The following GRID2 variants were observed in gnomAD, a reference collection of about 807,000 sequenced individuals.
The protein encoded by GRID2 is glutamate ionotropic receptor delta type subunit 2.
GRID2 carries 33 observed loss-of-function variants against 114.8 expected under a neutral mutation model. The ratio of observed to expected loss-of-function variants is 0.29; its 90% CI spans 0.22 to 0.38. The LOEUF (loss-of-function observed/expected upper bound fraction) is 0.38. Among genes scored for constraint, GRID2 ranks in the 10% least tolerant of loss-of-function variants. The pLI is 1.00. For missense variants in GRID2, 1,184 were observed against 1,257.7 expected (o/e 0.94, Z 0.89); for synonymous variants, 505 against 449.9 (o/e 1.12, Z -1.55).
chr4:92,728,442 C>T (rs191671040), intron 2 of GRID2, among the ~76,000 whole-genome samples: 17 of 152,140 alleles, frequency 1.1e-4, no homozygotes, highest in Non-Finnish European at 2.4e-4. Flanking sequence ...CTTGTAAGCT[C>T]GCTCAAGTGA....
chr4:92,511,456 T>C (rs935940647), intron 1 of GRID2, among the ~76,000 whole-genome samples: 5 of 151,970 alleles, frequency 3.3e-5, no homozygotes, highest in Middle Eastern at 3.4e-3. Flanking sequence ...AATCATATTA[T>C]CATCCAATCT....
intron 2 of GRID2, among the ~76,000 whole-genome samples, chr4:92,620,995 C>CAA (rs67388525): frequency 1.2e-3 from 130 of 112,294 alleles, no homozygotes; most frequent in African/African-American, 3.7e-3. Context: ...TAAAGAATGC[C>CAA]AAAAAAAAAA....
intron 2 of GRID2, among the ~76,000 whole-genome samples, chr4:92,762,712 G>T (rs1183045467): frequency 1.3e-5 from 2 of 152,158 alleles, no homozygotes; most frequent in Non-Finnish European, 2.9e-5. Context: ...AGTCATATTT[G>T]TTGAGTGAAT....
chr4:93,434,857 C>T (rs1019757929), intron 10 of GRID2, among the ~76,000 whole-genome samples: 20 of 152,156 alleles, frequency 1.3e-4, no homozygotes, highest in Admixed American at 1.3e-4. Flanking sequence ...TGTCACCATG[C>T]TCCAAGCTTA....
chr4:93,390,609 C>G (rs1438424995), intron 8 of GRID2, among the ~76,000 whole-genome samples: 1 of 152,064 alleles, frequency 6.6e-6, no homozygotes, highest in African/African-American at 2.4e-5. Context: ...CTTATCTGAA[C>G]TGGTATGCTA....
chr4:92,943,119 C>T (rs1053402031), intron 2 of GRID2, among the ~76,000 whole-genome samples: 1 of 152,122 alleles, frequency 6.6e-6, no homozygotes, highest in Non-Finnish European at 1.5e-5. Flanking sequence ...GTTGGCCTGC[C>T]TTGCTAGATT....
intron 2 of GRID2, among the ~76,000 whole-genome samples, chr4:92,987,060 A>G (rs1264067310): frequency 6.6e-6 from 1 of 152,202 alleles, no homozygotes; most frequent in Non-Finnish European, 1.5e-5. Flanking sequence ...CAAAGGATGG[A>G]AACTGTGCAA....
intron 2 of GRID2, among the ~76,000 whole-genome samples, chr4:92,819,241 G>A (rs1177210938): frequency 6.6e-6 from 1 of 152,028 alleles, no homozygotes; most frequent in East Asian, 1.9e-4. Flanking sequence ...ATCACCCATG[G>A]GAGGTTTTAA....
At chr4:92,861,726 G>C (rs922098898) in intron 2 of GRID2, among the ~76,000 whole-genome samples, 1 of 151,952 alleles carries the variant, frequency 6.6e-6, no homozygotes, top group Non-Finnish European at 1.5e-5. Context: ...AGGAAGAAAT[G>C]AAAGCAAATT....
rs1482219588 is a variant in GRID2 at position 93,216,902 on chromosome 4, G to A, written c.954G>A (p.Gln318=). The part of the protein sequence containing the change: ...TLCDPKDPFA[Q]NMEISNLYIY... ...GTGATCCAAAGGATCCATTTGCTCA[G>A]AATATGGAGGTATATTATAAATGAC... Residue 318 remains glutamine, a synonymous_variant, in exon 6 of 16, where the codon CAG becomes CAA. Coordinates refer to ENST00000282020, the MANE Select transcript of GRID2 (RefSeq NM_001510.4). 6.2e-7 allele frequency: 1 copy of A among 1,607,768 alleles called. No homozygotes were observed. The highest frequency in any genetic ancestry group is 8.5e-7 in the Non-Finnish European group (1 of 1,174,572).
At chr4:92,874,870 C>A (rs1419288734) in intron 2 of GRID2, among the ~76,000 whole-genome samples, 1 of 152,122 alleles carries the variant, frequency 6.6e-6, no homozygotes, top group African/African-American at 2.4e-5. Context: ...TATTTCAAAC[C>A]ATTTTATTTT....
intron 2 of GRID2, among the ~76,000 whole-genome samples, chr4:92,625,593 A>G (rs1336623186): frequency 1.3e-5 from 2 of 151,948 alleles, no homozygotes; most frequent in East Asian, 3.9e-4. Flanking sequence ...CCAACCAATC[A>G]CTTATTAACT....
chr4:92,512,047 ATT>A (rs34500769), intron 1 of GRID2, among the ~76,000 whole-genome samples: 1,542 of 148,178 alleles, frequency 0.01, 25 homozygotes, highest in African/African-American at 0.036. Context: ...TGACCATTCT[ATT>A]TTTTTTTTTC....
intron 8 of GRID2, among the ~76,000 whole-genome samples, chr4:93,246,941 T>G (rs551836785): frequency 6.6e-6 from 1 of 152,230 alleles, no homozygotes; most frequent in East Asian, 1.9e-4. Flanking sequence ...CACTGCAGAG[T>G]AGAGAAAATA....
chr4:92,786,253 C>G (rs1361122119), intron 2 of GRID2, among the ~76,000 whole-genome samples: 2 of 151,676 alleles, frequency 1.3e-5, no homozygotes, highest in African/African-American at 2.4e-5. Context: ...GACATGGACC[C>G]TAGTTTAAAT....
intron 2 of GRID2, among the ~76,000 whole-genome samples, chr4:92,953,095 C>T (rs1752147249): frequency 6.6e-6 from 1 of 152,108 alleles, no homozygotes; most frequent in African/African-American, 2.4e-5. Flanking sequence ...CACCAACAGT[C>T]GTATTGGATT....
intron 2 of GRID2, among the ~76,000 whole-genome samples, chr4:92,837,356 A>G (rs919480315): frequency 6.6e-6 from 1 of 152,020 alleles, no homozygotes; most frequent in Admixed American, 6.6e-5. Flanking sequence ...ATGTTTACCC[A>G]AGAACAAGTC....
intron 1 of GRID2, among the ~76,000 whole-genome samples, chr4:92,438,578 C>CTGTG (rs34304139): frequency 0.021 from 3,043 of 146,958 alleles, 84 homozygotes; most frequent in African/African-American, 0.062. Context: ...AGTTTACCTT[C>CTGTG]TGTGTGTGTG....
intron 8 of GRID2, among the ~76,000 whole-genome samples, chr4:93,277,923 A>G (rs187568445): frequency 1.3e-3 from 195 of 152,170 alleles, no homozygotes; most frequent in Admixed American, 3.2e-3. Context: ...GAGTATTGAG[A>G]GAAGTTTCTA....
Sources: gnomAD v4.1 joint callset for allele counts (sites outside exome capture counted in the v4.1 genomes callset) on GRCh38, gnomAD v4.1.1 for gene constraint, MANE v1.5 for transcripts, NCBI Gene and HGNC (gene_info 2026-07-23, HGNC 2026-07-21) for gene names.